Variants in ENTREP2 observed in about 807,000 individuals in gnomAD.
ENTREP2 encodes protein ENTREP2.
the ENTREP2 span, among the ~76,000 whole-genome samples, chr15:29,535,505 G>C: frequency 6.6e-6 from 1 of 152,052 alleles, no homozygotes; most frequent in Non-Finnish European, 1.5e-5. Context: ...AGCCTGGTGA[G>C]ACCCTGTCTC....
At chr15:29,285,870 G>A in the ENTREP2 span, among the ~76,000 whole-genome samples, 1 of 152,052 alleles carries the variant, frequency 6.6e-6, no homozygotes, top group Non-Finnish European at 1.5e-5. Flanking sequence ...GTTCAGTCAA[G>A]GAAATAAGGT....
chr15:29,656,397 T>C, the ENTREP2 span, among the ~76,000 whole-genome samples: 1 of 152,090 alleles, frequency 6.6e-6, no homozygotes. Flanking sequence ...GGGTAGTTTT[T>C]CGTATTTTTA....
chr15:29,222,765 G>T, the ENTREP2 span, among the ~76,000 whole-genome samples: 1 of 152,102 alleles, frequency 6.6e-6, no homozygotes, highest in Non-Finnish European at 1.5e-5. Context: ...GCTCCCTCAC[G>T]CTCACCCCAC....
At chr15:29,534,934 G>A in the ENTREP2 span, among the ~76,000 whole-genome samples, 1 of 152,210 alleles carries the variant, frequency 6.6e-6, no homozygotes, top group South Asian at 2.1e-4. Flanking sequence ...TTTATTACAT[G>A]TGAAGAACAA....
the ENTREP2 span, among the ~76,000 whole-genome samples, chr15:29,592,186 C>A: frequency 6.6e-6 from 1 of 152,136 alleles, no homozygotes; most frequent in African/African-American, 2.4e-5. Flanking sequence ...TGCTGGCACC[C>A]AGGCATGGCA....
At chr15:29,209,499 C>T in the ENTREP2 span, among the ~76,000 whole-genome samples, 1 of 152,074 alleles carries the variant, frequency 6.6e-6, no homozygotes, top group African/African-American at 2.4e-5. Flanking sequence ...GAGACTCCGT[C>T]TCAAAACAAA....
chr15:29,639,186 G>T, the ENTREP2 span, among the ~76,000 whole-genome samples: 1 of 152,148 alleles, frequency 6.6e-6, no homozygotes, highest in Non-Finnish European at 1.5e-5. Flanking sequence ...CTAAATTTCT[G>T]CCTATTCCAT....
chr15:29,321,649 C>CA, the ENTREP2 span, among the ~76,000 whole-genome samples: 238 of 64,020 alleles, frequency 3.7e-3, 1 homozygote, highest in African/African-American at 7.6e-3. Context: ...GACTCTGTCT[C>CA]AAAAAAAAAA....
chr15:29,260,887 G>C, the ENTREP2 span, among the ~76,000 whole-genome samples: 2 of 152,128 alleles, frequency 1.3e-5, no homozygotes, highest in East Asian at 3.9e-4. Flanking sequence ...AATAAAGAGA[G>C]TCTAAAAGCA....
At chr15:29,382,573 C>T in the ENTREP2 span, among the ~76,000 whole-genome samples, 3 of 152,172 alleles carry the variant, frequency 2.0e-5, no homozygotes, top group South Asian at 6.2e-4. Context: ...AGGCCAAGTC[C>T]TGCCCTTGAC....
the ENTREP2 span, among the ~76,000 whole-genome samples, chr15:29,470,968 T>C: frequency 1.3e-5 from 2 of 152,222 alleles, no homozygotes; most frequent in Non-Finnish European, 2.9e-5. Flanking sequence ...CTCAAAATAC[T>C]GGCTATGGCT....
At chr15:29,337,700 A>G in the ENTREP2 span, among the ~76,000 whole-genome samples, 1 of 152,192 alleles carries the variant, frequency 6.6e-6, no homozygotes. Flanking sequence ...GGCAATGCTG[A>G]GAGCTTCCAC....
At chr15:29,637,148 G>A in the ENTREP2 span, among the ~76,000 whole-genome samples, 1 of 152,188 alleles carries the variant, frequency 6.6e-6, no homozygotes, top group African/African-American at 2.4e-5. Flanking sequence ...CTCAGATGCT[G>A]TTGGCCTCTT....
the ENTREP2 span, among the ~76,000 whole-genome samples, chr15:29,589,154 G>A: frequency 1.3e-5 from 2 of 152,138 alleles, no homozygotes; most frequent in East Asian, 1.9e-4. Flanking sequence ...GGCCAGGCAC[G>A]TGGAGGAGAT....
chr15:29,516,760 C>T, the ENTREP2 span, among the ~76,000 whole-genome samples: 68,398 of 151,696 alleles, frequency 0.45, 16,652 homozygotes, highest in African/African-American at 0.65. Context: ...CTTTTCTGGG[C>T]GTATAACATT....
chr15:29,142,643 G>A, the ENTREP2 span, among the ~76,000 whole-genome samples: 6 of 152,194 alleles, frequency 3.9e-5, no homozygotes, highest in East Asian at 1.2e-3. Flanking sequence ...GTTACCACGC[G>A]ATGGAAGGCA....
At chr15:29,212,945 T>C in the ENTREP2 span, among the ~76,000 whole-genome samples, 1 of 152,228 alleles carries the variant, frequency 6.6e-6, no homozygotes. Context: ...AAGTCTTTAA[T>C]CCATCTTGAA....
At chr15:29,627,229 T>G in the ENTREP2 span, among the ~76,000 whole-genome samples, 691 of 152,188 alleles carry the variant, frequency 4.5e-3, 6 homozygotes, top group African/African-American at 0.016. Context: ...AGTATACAAT[T>G]CAGTGGTATT....
the ENTREP2 span, among the ~76,000 whole-genome samples, chr15:29,129,293 G>C: frequency 2.0e-5 from 3 of 152,094 alleles, no homozygotes; most frequent in Non-Finnish European, 2.9e-5. Context: ...TCAAACTCCT[G>C]ACCTCAGGCG....
Sources: gnomAD v4.1 joint callset for allele counts (sites outside exome capture counted in the v4.1 genomes callset) on GRCh38, gnomAD v4.1.1 for gene constraint, MANE v1.5 for transcripts, NCBI Gene and HGNC (gene_info 2026-07-23, HGNC 2026-07-21) for gene names.